The following NOVA2 variants were observed in gnomAD, a reference collection of about 807,000 sequenced individuals.
NOVA2 encodes the protein RNA-binding protein Nova-2.
A neutral mutation model predicts 22.5 loss-of-function variants in NOVA2; 9 were observed. That is an observed-to-expected ratio of 0.40 (90% CI 0.24 to 0.70). The LOEUF is 0.70. Ranked by LOEUF, NOVA2 falls within the 30% of genes least tolerant of loss-of-function variation. NOVA2 has a pLI of 0.38. For missense variants in NOVA2, 383 were observed against 682.8 expected (o/e 0.56, Z 4.89); for synonymous variants, 318 against 335.2 (o/e 0.95, Z 0.56).
At chr19:45,967,462 A>T (rs1968181813) in intron 1 of NOVA2, 1 of 151,984 alleles carries the variant, frequency 6.6e-6, no homozygotes, top group Admixed American at 6.6e-5. Flanking sequence ...ACCCATTCCC[A>T]TCCCACTCTT....
At chr19:45,944,951 T>C (rs1215251505) in intron 3 of NOVA2, among the ~76,000 whole-genome samples, 1 of 152,060 alleles carries the variant, frequency 6.6e-6, no homozygotes, top group African/African-American at 2.4e-5. Context: ...TGTGGTGGCT[T>C]GGGGTTAGGG....
intron 3 of NOVA2, among the ~76,000 whole-genome samples, chr19:45,948,614 A>G (rs1967877473): frequency 6.6e-6 from 1 of 151,786 alleles, no homozygotes; most frequent in Non-Finnish European, 1.5e-5. Context: ...AAAAAAAAAA[A>G]AAGAAAAAAG....
In NOVA2 at chr19:45,937,266, T is replaced by A. The variant is rs1967668235; in HGVS notation, c.*2597A>T. 1 of 152,196 alleles carries A rather than the reference T, an allele frequency of 6.6e-6. No individual in the cohort carries two copies. Among genetic ancestry groups the A allele is most frequent in the South Asian group, 2.1e-4 (1 of 4,834 alleles). 9.4% of individuals were successfully genotyped at this position (152,196 alleles called of 1,614,324 possible). ...GTGTGAGAGGAGTCCTGGACCCGGC[T>A]GATTGGGACCCAGACTCCAGTGAAT... On this transcript the variant is annotated 3_prime_UTR_variant, in exon 4 of 4. Coordinates refer to ENST00000263257, the MANE Select transcript of NOVA2 (RefSeq NM_002516.4).
intron 1 of NOVA2, among the ~76,000 whole-genome samples, chr19:45,962,908 A>G (rs1231550044): frequency 6.6e-6 from 1 of 152,074 alleles, no homozygotes; most frequent in Non-Finnish European, 1.5e-5. Flanking sequence ...TCGGCCTCCC[A>G]AAGTGCTGGG....
intron 1 of NOVA2, 62 bp downstream of exon 1, chr19:45,973,205 A>C: frequency 1.2e-6 from 1 of 863,820 alleles, no homozygotes; most frequent in Non-Finnish European, 1.6e-6. Context: ...AGGGGGGGAA[A>C]GGATGGAGAA....
At chr19:45,947,497 G>A (rs1347667974) in intron 3 of NOVA2, among the ~76,000 whole-genome samples, 1 of 149,466 alleles carries the variant, frequency 6.7e-6, no homozygotes, top group Non-Finnish European at 1.5e-5. Context: ...TTTTTGAGAC[G>A]GAGTTTCGCT....
chr19:45,958,409 G>T (rs1968038892), intron 2 of NOVA2, among the ~76,000 whole-genome samples: 1 of 151,530 alleles, frequency 6.6e-6, no homozygotes, highest in Non-Finnish European at 1.5e-5. Context: ...GTGTGAGTGG[G>T]GTGTGTGTGA....
intron 3 of NOVA2, among the ~76,000 whole-genome samples, chr19:45,948,272 T>C (rs750765133): frequency 1.3e-5 from 2 of 152,078 alleles, no homozygotes; most frequent in Non-Finnish European, 2.9e-5. Context: ...CATGTATGTG[T>C]GCAATTAATA....
Position 45,939,740 on chromosome 19 carries a change from C to T in NOVA2, c.*123G>A. On this transcript the variant is annotated 3_prime_UTR_variant, in exon 4 of 4. Coordinates refer to ENST00000263257, the MANE Select transcript of NOVA2 (RefSeq NM_002516.4). ...GAAGGGGAGGGTGCAGTCGGGCCTA[C>T]CCCAGCCCCATCCCAAGAGGAGCAG... 1.5e-6 allele frequency: 2 copies of T among 1,313,692 alleles called. No individual in the cohort carries two copies. Among genetic ancestry groups the T allele is most frequent in the South Asian group, 1.3e-5 (1 of 75,220 alleles). The allele number at this position is 1,313,692 out of a possible 1,614,324, so 81.4% of individuals were successfully genotyped here.
At chr19:45,941,947 A>T (rs1345320712) in intron 3 of NOVA2, among the ~76,000 whole-genome samples, 1 of 152,116 alleles carries the variant, frequency 6.6e-6, no homozygotes. Flanking sequence ...TGGCCCACCC[A>T]TGCCTTCTAG....
At chr19:45,960,442 G>C (rs1968077533) in intron 2 of NOVA2, among the ~76,000 whole-genome samples, 1 of 151,796 alleles carries the variant, frequency 6.6e-6, no homozygotes, top group South Asian at 2.1e-4. Flanking sequence ...ACAAGAGATG[G>C]GGGGTATCCA....
In NOVA2 at chr19:45,969,509, GAAAAAAAAAAAA is replaced by G. The variant is rs397946088; in HGVS notation, c.85+3746_85+3757del. ...GGTGACAGAGTGAGACCCTGTCTCA[GAAAAAAAAAAAA>G]AAAAAAAAAAAAAAAAGAGGGATGT... On this transcript the variant is annotated intron_variant, in intron 1 of 3. Transcript: ENST00000263257. 9.6e-3 allele frequency among the ~76,000 whole-genome samples: 388 copies of G among 40,566 alleles called. 5 individuals carry two copies. The highest frequency in any genetic ancestry group is 0.044 in the African/African-American group (357 of 8,148). 26.6% of individuals were successfully genotyped at this position (40,566 alleles called of 152,430 possible).
chr19:45,944,555 G>C (rs540740688), intron 3 of NOVA2, among the ~76,000 whole-genome samples: 1 of 152,098 alleles, frequency 6.6e-6, no homozygotes, highest in Non-Finnish European at 1.5e-5. Context: ...AAAAAGTCTC[G>C]TGGGATAAAT....
At chr19:45,943,044 A>G (rs1434342044) in intron 3 of NOVA2, among the ~76,000 whole-genome samples, 1 of 126,428 alleles carries the variant, frequency 7.9e-6, no homozygotes, top group Non-Finnish European at 1.6e-5. Flanking sequence ...CCCAGGCCCT[A>G]TATGTCTACT....
intron 2 of NOVA2, among the ~76,000 whole-genome samples, chr19:45,954,706 C>T (rs1045414226): frequency 2.0e-5 from 3 of 151,406 alleles, no homozygotes; most frequent in African/African-American, 7.3e-5. Flanking sequence ...GGCTGTGGCT[C>T]TGTCCTGGGC....
chr19:45,960,777 T>C (rs891122151), intron 2 of NOVA2, among the ~76,000 whole-genome samples: 1 of 151,980 alleles, frequency 6.6e-6, no homozygotes, highest in Non-Finnish European at 1.5e-5. Flanking sequence ...ATCATGCAAA[T>C]GAGCTCATGA....
chr19:45,958,742 T>C (rs1042298035), intron 2 of NOVA2, among the ~76,000 whole-genome samples: 8 of 152,180 alleles, frequency 5.3e-5, no homozygotes, highest in Admixed American at 1.3e-4. Context: ...TTCTCACATG[T>C]TCTGTCTGCT....
In NOVA2 at chr19:45,940,579, G is replaced by A. The variant is rs766644045; in HGVS notation, c.763C>T (p.Pro255Ser). ...SAAAASGLLG[P>S]AGLAGVGAFP... ...GCCCCCACGCCAGCCAGCCCGGCGG[G>A]GCCCAGCAGGCCGGAGGCGGCGGCG... Residue 255 changes from proline to serine, a missense_variant, in exon 4 of 4, where the codon CCC (proline) becomes TCC (serine). Around this residue, in one of 2 missense-constraint regions of NOVA2, gnomAD observed 349 missense variants for 578.1 expected, o/e 0.60. Transcript: ENST00000263257. 5 of 1,436,056 alleles carry A rather than the reference G, an allele frequency of 3.5e-6. No homozygotes were observed. The South Asian group carries it at 7.1e-5, about 20-fold the overall frequency. The allele number at this position is 1,436,056 out of a possible 1,614,324, so 89.0% of individuals were successfully genotyped here. A position where few individuals can be genotyped will look rare whatever the true frequency, so the allele number is the denominator to read the frequency against.
chr19:45,940,838 C>G lies in NOVA2; in HGVS notation c.504G>C (p.Gln168His). 6.2e-7 allele frequency: 1 copy of G among 1,606,058 alleles called. No individual in the cohort carries two copies. The highest frequency in any genetic ancestry group is 8.5e-7 in the Non-Finnish European group (1 of 1,179,938). The change falls in exon 4 of 4, where the codon CAG (glutamine) becomes CAC (histidine). Residue 168 changes from glutamine to histidine, a missense_variant. By Grantham distance (24) the Gln-to-His change is conservative. This residue lies in a region of NOVA2 where 349 missense variants were observed against 578.1 expected (regional missense o/e 0.60). Transcript: ENST00000263257. ...EQSGAWVQLS[Q>H]KPEGINLQER... ...CCTGCAGGTTGATGCCCTCCGGCTT[C>G]TGGGACAGCTGCACCCATGCTCCTG...
Sources: allele counts gnomAD v4.1 joint callset (sites outside exome capture counted in the v4.1 genomes callset), GRCh38; gene constraint gnomAD v4.1.1; regional missense constraint gnomAD v4.1.1; transcripts MANE v1.5; gene names NCBI Gene and HGNC (gene_info 2026-07-23, HGNC 2026-07-21).